The following BRWD3 variants were observed in gnomAD, a reference collection of about 807,000 sequenced individuals.
The protein encoded by BRWD3 is bromodomain and WD repeat-containing protein 3.
Under a neutral mutation model 149.7 loss-of-function variants are expected in BRWD3, and 10 were observed. That is an observed-to-expected ratio of 0.07 (90% confidence interval 0.04 to 0.11). The LOEUF is 0.11. Ranked by LOEUF, BRWD3 falls within the 10% of genes least tolerant of loss-of-function variation. The pLI is 1.00. For synonymous variants in BRWD3, 504 were observed against 456.7 expected (o/e 1.10, Z -1.32); for missense variants, 940 against 1,373.2 (o/e 0.68, Z 4.99).
chrX:80,806,430 C>T (rs1194996741), intron 4 of BRWD3, among the ~76,000 whole-genome samples: 2 of 111,235 alleles, frequency 1.8e-5, no homozygotes, highest in African/African-American at 6.5e-5. Context: ...TGATTTAAAG[C>T]TATTAAAAAA....
At chrX:80,717,818 A>C in intron 18 of BRWD3, 59 bp from the exon 19 acceptor site, 1 of 1,029,305 alleles carries the variant, frequency 9.7e-7, no homozygotes, top group African/African-American at 1.8e-5. Context: ...AGTTTTCCAG[A>C]ACAGAGCTCT....
chrX:80,768,229 C>A (rs959146480), intron 6 of BRWD3, among the ~76,000 whole-genome samples: 6 of 110,736 alleles, frequency 5.4e-5, no homozygotes, highest in Non-Finnish European at 1.1e-4. Context: ...AATAGAGAGA[C>A]CACCACAAAG....
rs1158084836 is a variant in BRWD3, at chrX:80,802,457, A to AT, written c.180+6081_180+6082insA. 6.5e-3 allele frequency among the ~76,000 whole-genome samples: 697 copies of AT among 107,181 alleles called. 7 individuals are homozygous for AT. Among genetic ancestry groups the AT allele is most frequent in the African/African-American group, 0.021 (611 of 29,364 alleles). 93.1% of individuals were successfully genotyped at this position (107,181 alleles called of 115,157 possible). A position where few individuals can be genotyped will look rare whatever the true frequency, so the allele number is the denominator to read the frequency against. ...ACTCTCATCTTAAAAAAAAAAAAAA[A>AT]AAAAAAAAAAATTAAAAATTAAGAA... On this transcript the variant is annotated intron_variant, in intron 4 of 40. Coordinates refer to ENST00000373275, the MANE Select transcript of BRWD3 (RefSeq NM_153252.5).
chrX:80,780,082 C>T (rs1177476887), intron 6 of BRWD3, among the ~76,000 whole-genome samples: 3 of 111,114 alleles, frequency 2.7e-5, no homozygotes, highest in Non-Finnish European at 5.7e-5. Context: ...AAATCCTCTC[C>T]TAAACTTTTT....
chrX:80,736,950 T>C (rs900780261), intron 8 of BRWD3, among the ~76,000 whole-genome samples: 4 of 112,124 alleles, frequency 3.6e-5, no homozygotes, highest in African/African-American at 3.2e-5. Flanking sequence ...TCCATTGAGA[T>C]GATGACTAAG....
At chrX:80,696,563 C>CACAA (rs1555965951) in intron 26 of BRWD3, among the ~76,000 whole-genome samples, 176 bp downstream of exon 26, 1 of 100,349 alleles carries the variant, frequency 1.0e-5, no homozygotes, top group African/African-American at 3.9e-5. Flanking sequence ...CACACACACA[C>CACAA]AAATATAAAT....
At chrX:80,726,152 A>G (rs762561387) in intron 14 of BRWD3, among the ~76,000 whole-genome samples, 22 of 108,640 alleles carry the variant, frequency 2.0e-4, no homozygotes, top group African/African-American at 6.3e-4. Flanking sequence ...TGTATAACAT[A>G]TAACACGTTT....
In BRWD3 at chrX:80,696,519, T is replaced by TACAC. The variant is rs560341387; in HGVS notation, c.3068+216_3068+219dup. 0.1 allele frequency among the ~76,000 whole-genome samples: 8,162 copies of TACAC among 82,018 alleles called. 363 individuals carry two copies. The highest frequency in any genetic ancestry group is 0.11 in the Non-Finnish European group (4,630 of 41,934). The allele number at this position is 82,018 out of a possible 115,157, so 71.2% of individuals were successfully genotyped here. A position where few individuals can be genotyped will look rare whatever the true frequency, so the allele number is the denominator to read the frequency against. ...TCTATGTAACTATCCATAACATAAA[T>TACAC]ACACACACACACACACACACACACA... On this transcript the variant is annotated intron_variant, in intron 26 of 40. Transcript: ENST00000373275.
At chrX:80,735,269 T>C in intron 9 of BRWD3, 72 bp from the exon 10 acceptor site, 1 of 796,285 alleles carries the variant, frequency 1.3e-6, no homozygotes, top group Non-Finnish European at 1.9e-6. Context: ...AGCGCACTAC[T>C]GGATACTGAT....
chrX:80,729,092 C>T (rs1049501936), intron 13 of BRWD3, among the ~76,000 whole-genome samples, 187 bp from the exon 14 acceptor site: 12 of 111,213 alleles, frequency 1.1e-4, no homozygotes, highest in African/African-American at 3.6e-4. Context: ...TACCCATTAG[C>T]TTATTTCAGG....
Position 80,686,019 on chromosome X carries a change from A to G in BRWD3, c.4006-483T>C, listed in dbSNP as rs563392307. Among the ~76,000 whole-genome samples the G allele has an allele frequency of 5.0e-4, 56 of 111,710 alleles. 1 individual carries two copies. In the South Asian group the frequency reaches 0.02, roughly 40 times the overall value. ...TTGAAAAGAAAAGTCCCTACAAAGG[A>G]CATGAACTCATAATTTTTTATGGCT... On this transcript the variant is annotated intron_variant, in intron 35 of 40. Transcript: ENST00000373275.
At position 80,809,658 on chromosome X, in the gene BRWD3, A is replaced by G; in HGVS notation, c.-187T>C. On this transcript the variant is annotated 5_prime_UTR_variant, in exon 1 of 41. Coordinates refer to ENST00000373275, the MANE Select transcript of BRWD3 (RefSeq NM_153252.5). ...TTTCGACCCATAGATATTCTAGCCC[A>G]AGAGCTGAGGAGGCGGAGGAGGAAG... 1 of 429,172 alleles carries G rather than the reference A, an allele frequency of 2.3e-6. No individual in the cohort carries two copies. The highest frequency in any genetic ancestry group is 4.1e-6 in the Non-Finnish European group (1 of 244,098). 35.4% of individuals were successfully genotyped at this position (429,172 alleles called of 1,213,427 possible). A position where few individuals can be genotyped will look rare whatever the true frequency, so the allele number is the denominator to read the frequency against.
chrX:80,729,488 C>T (rs1307095385), intron 13 of BRWD3, among the ~76,000 whole-genome samples: 3 of 111,264 alleles, frequency 2.7e-5, no homozygotes, highest in African/African-American at 9.8e-5. Flanking sequence ...AAACTAAATG[C>T]TGATTAAGTG....
chrX:80,805,662 G>A (rs1379393532), intron 4 of BRWD3, among the ~76,000 whole-genome samples: 2 of 112,166 alleles, frequency 1.8e-5, no homozygotes, highest in Non-Finnish European at 3.8e-5. Flanking sequence ...CAGGCCGGGC[G>A]CGGTGGCTCA....
chrX:80,676,804 T>G lies in BRWD3; in HGVS notation c.5214A>C (p.Ser1738=). The G allele has an allele frequency of 1.7e-6, 2 of 1,211,386 alleles. No individual in the cohort carries two copies. Among genetic ancestry groups the G allele is most frequent in the Non-Finnish European group, 1.1e-6 (1 of 895,355 alleles). Residue 1738 remains serine (S), a synonymous_variant, in exon 41 of 41, where the codon TCA becomes TCC. Transcript: ENST00000373275. ...IADDEFDTMF[S]GRFSRLPRIK... The stretch of plus-strand genomic sequence containing the variant: ...TTCGAGGCAGTCTACTGAAACGTCC[T>G]GAAAACATGGTATCAAATTCATCAT...
At chrX:80,728,276 C>A (rs1802312150) in intron 14 of BRWD3, among the ~76,000 whole-genome samples, 1 of 111,646 alleles carries the variant, frequency 9.0e-6, no homozygotes, top group Non-Finnish European at 1.9e-5. Context: ...TTAATCCTTT[C>A]AACTTTTTAC....
At chrX:80,696,702 C>T in intron 26 of BRWD3, 37 bp downstream of exon 26, 1 of 1,199,796 alleles carries the variant, frequency 8.3e-7, no homozygotes, top group Non-Finnish European at 1.1e-6. Context: ...TATTAAAATA[C>T]ACACACTCAA....
At chrX:80,794,348 A>G (rs1367670692) in intron 4 of BRWD3, among the ~76,000 whole-genome samples, 1 of 108,743 alleles carries the variant, frequency 9.2e-6, no homozygotes, top group Non-Finnish European at 1.9e-5. Context: ...TCTACAAAAA[A>G]TACAAAAATT....
chrX:80,790,807 C>T (rs1308574493), intron 6 of BRWD3, among the ~76,000 whole-genome samples: 2 of 111,011 alleles, frequency 1.8e-5, no homozygotes, highest in Non-Finnish European at 3.8e-5. Context: ...GCATGAATAA[C>T]AAAAGTTATC....
Sources: gnomAD v4.1 joint callset for allele counts (sites outside exome capture counted in the v4.1 genomes callset) on GRCh38, gnomAD v4.1.1 for gene constraint, MANE v1.5 for transcripts, NCBI Gene and HGNC (gene_info 2026-07-23, HGNC 2026-07-21) for gene names.